PLA2G12A: variants seen among roughly 807,000 people sequenced by gnomAD.
PLA2G12A encodes group XIIA secretory phospholipase A2.
PLA2G12A carries 11 observed loss-of-function variants against 16.0 expected under a neutral mutation model. The observed-to-expected ratio is 0.69, with a 90% confidence interval of 0.43 to 1.13. The LOEUF (loss-of-function observed/expected upper bound fraction) is 1.13, where lower values mean the gene tolerates loss of function less well. PLA2G12A is among the 50% of genes most tolerant of loss of function. PLA2G12A has a pLI of 0.00. For missense variants in PLA2G12A, 214 were observed against 237.3 expected (o/e 0.90, Z 0.65); for synonymous variants, 77 against 93.8 (o/e 0.82, Z 1.03).
chr4:109,727,685 T>C (rs1448201451), intron 1 of PLA2G12A, among the ~76,000 whole-genome samples: 4 of 152,094 alleles, frequency 2.6e-5, no homozygotes, highest in African/African-American at 9.7e-5. Context: ...CCTATAGTCC[T>C]AGCTATTTGG....
chr4:109,729,872 C>A lies in PLA2G12A; in HGVS notation c.-63G>T. ...GCGCGGGGCGCGTCCCCACAGAGTC[C>A]CCAGGACGCGCTAGGCAGCGGCGCG... is the stretch of plus-strand genomic sequence containing the variant. On this transcript the variant is annotated 5_prime_UTR_variant, in exon 1 of 4. Transcript: ENST00000243501. 3 of 1,420,298 alleles carry A rather than the reference C, an allele frequency of 2.1e-6. No homozygotes were observed. Among genetic ancestry groups the A allele is most frequent in the South Asian group, 1.4e-5 (1 of 71,256 alleles). The allele number at this position is 1,420,298 out of a possible 1,614,324, so 88.0% of individuals were successfully genotyped here. A position where few individuals can be genotyped will look rare whatever the true frequency, so the allele number is the denominator to read the frequency against.
At chr4:109,729,467 G>T in intron 1 of PLA2G12A, 135 bp downstream of exon 1, 1 of 918,090 alleles carries the variant, frequency 1.1e-6, no homozygotes, top group South Asian at 1.7e-5. Flanking sequence ...CAAGATTCTA[G>T]CAGTGGTTAA....
chr4:109,730,016 C>T lies in PLA2G12A; in HGVS notation c.-207G>A, dbSNP rs1224730616. ...AGGCAGCGCCGTCGCGGGGACGCGC[C>T]CGCTCACCTGGACCAGCGCGCCCGC... On this transcript the variant is annotated 5_prime_UTR_variant, in exon 1 of 4. Coordinates refer to ENST00000243501, the MANE Select transcript of PLA2G12A (RefSeq NM_030821.5). The T allele has an allele frequency of 1.6e-5, 8 of 515,218 alleles. No homozygotes were observed. The South Asian group carries it at 1.6e-4, about 10-fold the overall frequency. The allele number at this position is 515,218 out of a possible 1,614,324, so 31.9% of individuals were successfully genotyped here.
intron 1 of PLA2G12A, among the ~76,000 whole-genome samples, chr4:109,725,562 C>T (rs999884606): frequency 6.6e-6 from 1 of 152,148 alleles, no homozygotes; most frequent in Non-Finnish European, 1.5e-5. Context: ...AATTTGTAAG[C>T]GGATACAAAC....
chr4:109,712,690 T>C lies in PLA2G12A; in HGVS notation c.*1687A>G, dbSNP rs1413663078. On this transcript the variant is annotated 3_prime_UTR_variant, in exon 4 of 4. Coordinates refer to ENST00000243501, the MANE Select transcript of PLA2G12A (RefSeq NM_030821.5). ...TTTTGTATTTTTAGTAGAGACGCTGTTTCACCATGTTGGCCAGCTGGTCTC... is the reference window on the plus strand; with the variant it reads ...TTTTGTATTTTTAGTAGAGACGCTGCTTCACCATGTTGGCCAGCTGGTCTC... The C allele has an allele frequency of 6.6e-6, 1 of 152,144 alleles. No homozygotes were observed. Among genetic ancestry groups the C allele is most frequent in the African/African-American group, 2.4e-5 (1 of 41,396 alleles). 9.4% of individuals were successfully genotyped at this position (152,144 alleles called of 1,614,324 possible). A position where few individuals can be genotyped will look rare whatever the true frequency, so the allele number is the denominator to read the frequency against.
intron 1 of PLA2G12A, among the ~76,000 whole-genome samples, chr4:109,728,548 T>C (rs889858636): frequency 6.6e-6 from 1 of 152,250 alleles, no homozygotes; most frequent in African/African-American, 2.4e-5. Context: ...CAATGCAACA[T>C]GTCTCAGCAC....
chr4:109,712,970 A>C lies in PLA2G12A; in HGVS notation c.*1407T>G, dbSNP rs1730761897. On this transcript the variant is annotated 3_prime_UTR_variant, in exon 4 of 4. Transcript: ENST00000243501. ...ACAGCTGCCACCAATTCAAGTTGGA[A>C]GATACTAGGTTCCCGGCAATGACAT... is the stretch of plus-strand genomic sequence containing the variant. 6.6e-6 allele frequency: 1 copy of C among 152,208 alleles called. No homozygotes were observed. The allele number at this position is 152,208 out of a possible 1,614,324, so 9.4% of individuals were successfully genotyped here. A position where few individuals can be genotyped will look rare whatever the true frequency, so the allele number is the denominator to read the frequency against.
intron 1 of PLA2G12A, among the ~76,000 whole-genome samples, chr4:109,721,425 G>A (rs538786443): frequency 8.7e-4 from 132 of 151,600 alleles, no homozygotes; most frequent in African/African-American, 3.1e-3. Context: ...GGGTTCAAGT[G>A]AGTCTCCTGC....
intron 1 of PLA2G12A, among the ~76,000 whole-genome samples, chr4:109,720,756 T>A (rs1730925056): frequency 6.7e-6 from 1 of 150,306 alleles, no homozygotes; most frequent in Non-Finnish European, 1.5e-5. Context: ...GAGAGTAGTA[T>A]AACCTCACGA....
At chr4:109,726,232 T>G (rs1338859693) in intron 1 of PLA2G12A, among the ~76,000 whole-genome samples, 2 of 152,214 alleles carry the variant, frequency 1.3e-5, no homozygotes, top group African/African-American at 2.4e-5. Flanking sequence ...TCGTCAGTAT[T>G]TCTACTCTCC....
chr4:109,715,483 T>TTTA, intron 3 of PLA2G12A, among the ~76,000 whole-genome samples: 1 of 151,206 alleles, frequency 6.6e-6, no homozygotes, highest in South Asian at 2.1e-4. Context: ...TATTTATTTA[T>TTTA]TTTATTTATT....
chr4:109,724,429 T>A lies in PLA2G12A; in HGVS notation c.208+5173A>T, dbSNP rs180911672. On this transcript the variant is annotated intron_variant, in intron 1 of 3. Coordinates refer to ENST00000243501, the MANE Select transcript of PLA2G12A (RefSeq NM_030821.5). ...GAGCCATCGCGCCCGGCCTTTTTTT[T>A]TTAATCAGAAAGATACTTCCCTCAA... is the stretch of plus-strand genomic sequence containing the variant. Among the ~76,000 whole-genome samples, 3 of 152,250 alleles carry A rather than the reference T, an allele frequency of 2.0e-5. No homozygotes were observed. The East Asian group carries it at 5.8e-4, about 29-fold the overall frequency.
chr4:109,723,402 G>T (rs1293395931), intron 1 of PLA2G12A, among the ~76,000 whole-genome samples: 1 of 152,104 alleles, frequency 6.6e-6, no homozygotes, highest in Non-Finnish European at 1.5e-5. Flanking sequence ...ACCCAGTGTT[G>T]CCTGTTGCTC....
intron 1 of PLA2G12A, among the ~76,000 whole-genome samples, chr4:109,728,157 A>C (rs1722976484): frequency 6.6e-6 from 1 of 152,176 alleles, no homozygotes; most frequent in African/African-American, 2.4e-5. Flanking sequence ...TTGCTGAACA[A>C]CCCATTTAGA....
rs753697487 is a variant in PLA2G12A, at chr4:109,713,207, T to C, written c.*1170A>G. 3.9e-5 allele frequency: 6 copies of C among 152,168 alleles called. No individual in the cohort carries two copies. Among genetic ancestry groups the C allele is most frequent in the Non-Finnish European group, 8.8e-5 (6 of 68,022 alleles). The allele number at this position is 152,168 out of a possible 1,614,324, so 9.4% of individuals were successfully genotyped here. ...CTAGGGAAAGGTTAACAACCAGTAG[T>C]CAGCAAAGACCGGTCTAGGAACATA... On this transcript the variant is annotated 3_prime_UTR_variant, in exon 4 of 4. Transcript: ENST00000243501.
At chr4:109,715,454 TTTTATTTA>T (rs150366202) in intron 3 of PLA2G12A, among the ~76,000 whole-genome samples, 23 of 150,764 alleles carry the variant, frequency 1.5e-4, no homozygotes, top group East Asian at 1.4e-3. Flanking sequence ...GGTAGGTTTA[TTTTATTTA>T]TTTATTTATT....
Position 109,729,878 on chromosome 4 carries a change from A to ACG in PLA2G12A, c.-71_-70dup. ...GGCGCGTCCCCACAGAGTCCCCAGG[A>ACG]CGCGCTAGGCAGCGGCGCGGGCCCC... On this transcript the variant is annotated 5_prime_UTR_variant, in exon 1 of 4. Transcript: ENST00000243501. 2 of 1,392,284 alleles carry ACG rather than the reference A, an allele frequency of 1.4e-6. No homozygotes were observed. The highest frequency in any genetic ancestry group is 2.9e-5 in the South Asian group (2 of 69,292). The allele number at this position is 1,392,284 out of a possible 1,614,324, so 86.2% of individuals were successfully genotyped here.
chr4:109,715,302 C>T (rs1364165134), intron 3 of PLA2G12A, among the ~76,000 whole-genome samples: 1 of 152,174 alleles, frequency 6.6e-6, no homozygotes, highest in Middle Eastern at 3.2e-3. Flanking sequence ...CAAAACATTT[C>T]ATTATGGCCA....
chr4:109,718,787 A>C, intron 1 of PLA2G12A, 28 bp from the exon 2 acceptor site: 1 of 1,441,686 alleles, frequency 6.9e-7, no homozygotes, highest in African/African-American at 1.5e-5. Context: ...ATCATAATTA[A>C]TTTTCAAATA....
Sources: gnomAD v4.1 joint callset for allele counts (sites outside exome capture counted in the v4.1 genomes callset) on GRCh38, gnomAD v4.1.1 for gene constraint, MANE v1.5 for transcripts, NCBI Gene and HGNC (gene_info 2026-07-23, HGNC 2026-07-21) for gene names.